Variants in CHD5 observed in about 807,000 individuals in gnomAD.
CHD5 encodes chromodomain helicase DNA binding protein 5.
CHD5 carries 69 observed loss-of-function variants against 230.3 expected under a neutral mutation model. That is an observed-to-expected ratio of 0.30 (90% CI 0.25 to 0.37). The LOEUF is 0.37. CHD5 is among the 10% of genes least tolerant of loss of function. The pLI is 1.00. For missense variants in CHD5, 1,827 were observed against 2,622.8 expected, an observed-to-expected ratio of 0.70 and a Z score of 6.63; for synonymous variants, 1,064 against 1,065.9, an observed-to-expected ratio of 1.00 and a Z score of 0.03.
At chr1:6,160,581 T>A (rs1340889436) in intron 2 of CHD5, among the ~76,000 whole-genome samples, 1 of 152,294 alleles carries the variant, frequency 6.6e-6, no homozygotes, top group Non-Finnish European at 1.5e-5. Context: ...TCACATCCCA[T>A]GGAACTGCGT....
intron 1 of CHD5, among the ~76,000 whole-genome samples, chr1:6,178,570 A>G (rs1667460480): frequency 6.6e-6 from 1 of 151,952 alleles, no homozygotes; most frequent in African/African-American, 2.4e-5. Context: ...GAATGGGTCT[A>G]ATTCCAAGGA....
At chr1:6,156,894 G>A (rs1016400653) in intron 3 of CHD5, among the ~76,000 whole-genome samples, 41 of 152,238 alleles carry the variant, frequency 2.7e-4, no homozygotes, top group African/African-American at 9.2e-4. Flanking sequence ...GGGAGGTGCC[G>A]GATGTGGGCA....
chr1:6,143,991 C>T, intron 12 of CHD5, 33 bp downstream of exon 12: 1 of 1,614,106 alleles, frequency 6.2e-7, no homozygotes, highest in Non-Finnish European at 8.5e-7. Context: ...GTCCCGGCAG[C>T]CTGTGCCTAG....
Position 6,125,380 on chromosome 1 carries a change from C to A in CHD5, c.4260+144G>T. 1 of 1,222,962 alleles carries A rather than the reference C, an allele frequency of 8.2e-7. No individual in the cohort carries two copies. Among genetic ancestry groups the A allele is most frequent in the Non-Finnish European group, 1.1e-6 (1 of 878,334 alleles). 75.8% of individuals were successfully genotyped at this position (1,222,962 alleles called of 1,614,324 possible). On this transcript the variant is annotated intron_variant, in intron 28 of 41. Transcript: ENST00000262450. This position sits in a 1 kb window ranked among gnomAD's most constrained non-coding sequence, Gnocchi z 6.7. ...AGGGGCCTCCACCTGGGGCAGGACC[C>A]TGACGGCGAAGACCAGACCAAGTTC... is the stretch of plus-strand genomic sequence containing the variant.
chr1:6,151,502 C>G lies in CHD5; in HGVS notation c.871-347G>C, dbSNP rs934783654. On this transcript the variant is annotated intron_variant, in intron 6 of 41. Coordinates refer to ENST00000262450, the MANE Select transcript of CHD5 (RefSeq NM_015557.3). ...CTCCAAGAAGTCTTCCCAGATCTCT[C>G]CTTTACTGGACCTACTGTGGCTGCG... Among the ~76,000 whole-genome samples the G allele has an allele frequency of 2.0e-5, 3 of 152,250 alleles. No homozygotes were observed. In the East Asian group the frequency reaches 5.8e-4, roughly 29 times the overall value.
intron 33 of CHD5, chr1:6,113,438 C>G (rs778326832): frequency 1.8e-5 from 6 of 324,354 alleles, no homozygotes; most frequent in Non-Finnish European, 3.1e-5. Flanking sequence ...AAAAACAGCA[C>G]ACAGAAGATG....
intron 5 of CHD5, 140 bp from the exon 6 acceptor site, chr1:6,152,676 G>A (rs1167808698): frequency 1.4e-6 from 2 of 1,388,264 alleles, no homozygotes; most frequent in East Asian, 2.4e-5. Flanking sequence ...GATGCCTGAG[G>A]CTTGGAGAGG....
chr1:6,152,214 C>G (rs1228119392), intron 6 of CHD5, among the ~76,000 whole-genome samples, 198 bp downstream of exon 6: 2 of 152,208 alleles, frequency 1.3e-5, no homozygotes, highest in African/African-American at 4.8e-5. Flanking sequence ...AGGATTCAAT[C>G]TAAACTCCTC....
At chr1:6,173,372 G>C (rs1011750841) in intron 1 of CHD5, among the ~76,000 whole-genome samples, 4 of 152,006 alleles carry the variant, frequency 2.6e-5, no homozygotes, top group Non-Finnish European at 5.9e-5. Flanking sequence ...CCAAAGTGCT[G>C]GGATTACAGG....
chr1:6,172,006 C>T (rs1406298238), intron 1 of CHD5, among the ~76,000 whole-genome samples: 2 of 152,202 alleles, frequency 1.3e-5, no homozygotes, highest in Non-Finnish European at 2.9e-5. Flanking sequence ...GGGGTGGAGG[C>T]GGGGTGGGGC....
rs1009207193 is a variant in CHD5, at chr1:6,104,983, G to A, written c.*491C>T. 3.5e-5 allele frequency: 7 copies of A among 200,724 alleles called. No homozygotes were observed. The highest frequency in any genetic ancestry group is 7.7e-5 in the South Asian group (1 of 13,048). The allele number at this position is 200,724 out of a possible 1,614,324, so 12.4% of individuals were successfully genotyped here. A position where few individuals can be genotyped will look rare whatever the true frequency, so the allele number is the denominator to read the frequency against. Reference sequence around the variant, plus strand: ...GGACACTGAGGGCTCCTAGGGCACCGGGCGCCATGTCCTCCCCAGCTGGGC... The same window carrying A: ...GGACACTGAGGGCTCCTAGGGCACCAGGCGCCATGTCCTCCCCAGCTGGGC... On this transcript the variant is annotated 3_prime_UTR_variant, in exon 42 of 42. Coordinates refer to ENST00000262450, the MANE Select transcript of CHD5 (RefSeq NM_015557.3).
Position 6,109,907 on chromosome 1 carries a change from G to T in CHD5, c.5466C>A (p.Ala1822=). The part of the protein sequence containing the change: ...LNMTQDPNHP[A]MALNARLAEV... ...CAGCCAGGCGGGCGTTGAGGGCCAT[G>T]GCGGGGTGGTTGGGGTCCTGCGTCA... is the stretch of plus-strand genomic sequence containing the variant. Residue 1822 remains alanine (A), a synonymous_variant, in exon 38 of 42, where the codon GCC becomes GCA. Transcript: ENST00000262450. 6.2e-7 allele frequency: 1 copy of T among 1,611,340 alleles called. No individual in the cohort carries two copies. The highest frequency in any genetic ancestry group is 8.5e-7 in the Non-Finnish European group (1 of 1,178,920).
intron 15 of CHD5, among the ~76,000 whole-genome samples, chr1:6,137,403 A>G (rs916697108): frequency 3.3e-5 from 5 of 152,110 alleles, no homozygotes; most frequent in Non-Finnish European, 5.9e-5. Flanking sequence ...CACCACGACC[A>G]GCCCTGGCTC....
At position 6,111,853 on chromosome 1, in the gene CHD5, C is replaced by A; in HGVS notation, c.5171G>T (p.Arg1724Leu). 1 of 1,613,246 alleles carries A rather than the reference C, an allele frequency of 6.2e-7. No homozygotes were observed. Among genetic ancestry groups the A allele is most frequent in the East Asian group, 2.2e-5 (1 of 44,876 alleles). Residue 1724 changes from arginine (R) to leucine (L), a missense_variant, in exon 36 of 42, where the codon CGG (arginine) becomes CTG (leucine). Physicochemically the swap from Arg to Leu is moderately radical, Grantham distance 102. This residue lies in a region of CHD5 where 272 missense variants were observed against 263.2 expected (regional missense o/e 1.03). Coordinates refer to ENST00000262450, the MANE Select transcript of CHD5 (RefSeq NM_015557.3). Reference protein sequence around the residue: ...ELHTLWQNEERAAVSSGKIYD... With the variant: ...ELHTLWQNEELAAVSSGKIYD... ...GATTTTCCCAGAGGATACAGCAGCC[C>A]GCTCCTCGTTCTGCCACAGCGTGTG...
chr1:6,112,372 T>C (rs1666306349), intron 34 of CHD5, 95 bp from the exon 35 acceptor site: 19 of 1,467,798 alleles, frequency 1.3e-5, no homozygotes, highest in African/African-American at 1.4e-5. Context: ...AGGAGGCAAG[T>C]AGAAAACATC....
rs770843326 is a variant in CHD5 at position 6,149,020 on chromosome 1, CCCT to C, written c.1214_1216del (p.Glu405del). 3 of 1,601,830 alleles carry C rather than the reference CCCT, an allele frequency of 1.9e-6. No homozygotes were observed. The highest frequency in any genetic ancestry group is 2.6e-6 in the Non-Finnish European group (3 of 1,174,730). ...GTCGTCCTCCTCCTCCTCGCAGCCG[CCCT>C]CCTCCTCTTCATCGTCGTCGTCCTT... On this transcript the variant is annotated inframe_deletion, in exon 9 of 42. Transcript: ENST00000262450.
In CHD5 at chr1:6,103,372, G is replaced by C. The variant is rs1327082193; in HGVS notation, c.*2102C>G. On this transcript the variant is annotated 3_prime_UTR_variant, in exon 42 of 42. Coordinates refer to ENST00000262450, the MANE Select transcript of CHD5 (RefSeq NM_015557.3). ...GGAGGGAAGCAGAGAGGAAGGGACA[G>C]AGCAAGCCTGCCTGAGAGGAAGGCG... is the stretch of plus-strand genomic sequence containing the variant. 1 of 152,764 alleles carries C rather than the reference G, an allele frequency of 6.5e-6. No individual in the cohort carries two copies. Among genetic ancestry groups the C allele is most frequent in the East Asian group, 1.9e-4 (1 of 5,200 alleles). The allele number at this position is 152,764 out of a possible 1,614,324, so 9.5% of individuals were successfully genotyped here.
At chr1:6,179,361 G>C (rs1377614316) in intron 1 of CHD5, among the ~76,000 whole-genome samples, 2 of 152,130 alleles carry the variant, frequency 1.3e-5, no homozygotes, top group Non-Finnish European at 2.9e-5. Context: ...AAGAGGAGCA[G>C]GGGTCCGAGC....
chr1:6,108,152 G>A (rs924504236), intron 38 of CHD5, among the ~76,000 whole-genome samples: 4 of 143,826 alleles, frequency 2.8e-5, no homozygotes, highest in Admixed American at 6.9e-5. Flanking sequence ...GAGGAATGAT[G>A]GAGGGGTGGA....
Sources: allele counts gnomAD v4.1 joint callset (sites outside exome capture counted in the v4.1 genomes callset), GRCh38; gene constraint gnomAD v4.1.1; regional missense constraint gnomAD v4.1.1; non-coding constraint Gnocchi (gnomAD v3.1); transcripts MANE v1.5; gene names NCBI Gene and HGNC (gene_info 2026-07-23, HGNC 2026-07-21).